The following CABIN1 variants were observed in gnomAD, a reference collection of about 807,000 sequenced individuals.
The protein encoded by CABIN1 is calcineurin binding protein 1.
CABIN1 carries 133 observed loss-of-function variants against 227.7 expected under a neutral mutation model. The ratio of observed to expected loss-of-function variants is 0.58; its 90% CI spans 0.51 to 0.67. CABIN1 has a LOEUF of 0.67. CABIN1 is among the 30% of genes least tolerant of loss of function. The pLI is 0.00. For synonymous variants in CABIN1, 1,086 were observed against 1,155.1 expected, an observed-to-expected ratio of 0.94 and a Z score of 1.21; for missense variants, 2,408 against 2,852.5, an observed-to-expected ratio of 0.84 and a Z score of 3.55.
At chr22:24,084,975 C>T (rs767814451) in intron 21 of CABIN1, 31 bp from the exon 22 acceptor site, 49 of 1,613,992 alleles carry the variant, frequency 3.0e-5, no homozygotes, top group East Asian at 4.5e-5. Flanking sequence ...TTGACTCCAC[C>T]TCCCCTCATA....
chr22:24,167,289 G>A lies in CABIN1; in HGVS notation c.5658G>A (p.Ser1886=), dbSNP rs375076677. 1.4e-5 allele frequency: 22 copies of A among 1,612,838 alleles called. No individual in the cohort carries two copies. Among genetic ancestry groups the A allele is most frequent in the Middle Eastern group, 1.6e-4 (1 of 6,082 alleles). Residue 1886 remains serine, a synonymous_variant, in exon 32 of 37, where the codon TCG becomes TCA. Transcript: ENST00000263119. ...YDLGRVERIM[S]ETYMLIKQVD... ...TGGGCCGTGTGGAGAGGATCATGTC[G>A]GAGACCTACATGCTCATCAAGCAGG... is the stretch of plus-strand genomic sequence containing the variant.
chr22:24,159,736 G>A (rs1196829624), intron 29 of CABIN1, among the ~76,000 whole-genome samples: 1 of 152,198 alleles, frequency 6.6e-6, no homozygotes, highest in Non-Finnish European at 1.5e-5. Context: ...GCTGGAAAAG[G>A]CCAGCAGAGA....
intron 34 of CABIN1, among the ~76,000 whole-genome samples, chr22:24,173,744 G>T (rs1403076771): frequency 1.3e-5 from 2 of 152,172 alleles, no homozygotes; most frequent in Admixed American, 6.5e-5. Context: ...TGAAGCAGGA[G>T]AATCGCTTGA....
intron 26 of CABIN1, among the ~76,000 whole-genome samples, chr22:24,100,850 C>A (rs761444888): frequency 3.3e-5 from 5 of 152,214 alleles, no homozygotes; most frequent in African/African-American, 4.8e-5. Context: ...GTAATGTCTT[C>A]GTTATGGGTA....
intron 29 of CABIN1, among the ~76,000 whole-genome samples, chr22:24,145,842 C>T (rs530170374): frequency 4.6e-5 from 7 of 152,330 alleles, no homozygotes; most frequent in African/African-American, 9.6e-5. Flanking sequence ...GCTCCTAATG[C>T]GCAATGTCAT....
intron 29 of CABIN1, among the ~76,000 whole-genome samples, chr22:24,160,863 A>C (rs1389245698): frequency 1.3e-5 from 2 of 152,250 alleles, no homozygotes; most frequent in Non-Finnish European, 2.9e-5. Context: ...ACAGGGCAAG[A>C]GCACAGGCTG....
intron 18 of CABIN1, 111 bp downstream of exon 18, chr22:24,072,621 C>A: frequency 7.9e-7 from 1 of 1,264,100 alleles, no homozygotes; most frequent in Non-Finnish European, 1.1e-6. Context: ...GGGGCTCAGT[C>A]CTCTCAATCC....
At chr22:24,122,822 C>G (rs1036940622) in intron 28 of CABIN1, among the ~76,000 whole-genome samples, 3 of 152,184 alleles carry the variant, frequency 2.0e-5, no homozygotes, top group African/African-American at 7.2e-5. Context: ...GATGCCCTAC[C>G]TGTATTTCTT....
At chr22:24,122,724 A>C (rs988390167) in intron 28 of CABIN1, among the ~76,000 whole-genome samples, 14 of 151,300 alleles carry the variant, frequency 9.3e-5, no homozygotes, top group Non-Finnish European at 1.5e-4. Context: ...AACAAAAACA[A>C]AAAACCAAAA....
intron 4 of CABIN1, among the ~76,000 whole-genome samples, chr22:24,040,079 C>T (rs1174042257): frequency 6.6e-6 from 1 of 152,192 alleles, no homozygotes; most frequent in Non-Finnish European, 1.5e-5. Flanking sequence ...ATGTGTATTG[C>T]TGATTGTTTA....
chr22:24,175,215 C>T (rs2047038752), intron 34 of CABIN1, among the ~76,000 whole-genome samples: 1 of 152,208 alleles, frequency 6.6e-6, no homozygotes, highest in African/African-American at 2.4e-5. Context: ...AAGGCCTCAG[C>T]CAGCCTGGGG....
chr22:24,092,296 C>T (rs898703684), intron 24 of CABIN1, among the ~76,000 whole-genome samples: 1 of 152,188 alleles, frequency 6.6e-6, no homozygotes, highest in Non-Finnish European at 1.5e-5. Context: ...GAGCAGCCTG[C>T]TCTCTTGACC....
rs141610973 is a variant in CABIN1 at position 24,109,414 on chromosome 22, G to A, written c.4118-4152G>A. On this transcript the variant is annotated intron_variant, in intron 26 of 36. Transcript: ENST00000263119. ...ATTTTTTGTACAGACGGGCATCTCC[G>A]TATGTTGCCCAGGCTGGTCTTGAAC... 5.0e-4 allele frequency among the ~76,000 whole-genome samples: 76 copies of A among 150,664 alleles called. No individual in the cohort carries two copies. The East Asian group carries it at 0.013, about 25-fold the overall frequency.
chr22:24,138,025 C>T (rs1483863721), intron 29 of CABIN1, among the ~76,000 whole-genome samples: 1 of 152,144 alleles, frequency 6.6e-6, no homozygotes, highest in African/African-American at 2.4e-5. Context: ...ACATCAGCAC[C>T]CTAATCCCTA....
intron 33 of CABIN1, among the ~76,000 whole-genome samples, 162 bp from the exon 34 acceptor site, chr22:24,171,551 T>G (rs188178981): frequency 8.2e-4 from 125 of 152,282 alleles, no homozygotes; most frequent in African/African-American, 2.9e-3. Context: ...TGATGGACCT[T>G]GTTGGCAGCA....
intron 24 of CABIN1, among the ~76,000 whole-genome samples, chr22:24,094,793 C>T (rs1162536477): frequency 2.8e-5 from 4 of 141,762 alleles, no homozygotes; most frequent in African/African-American, 7.9e-5. Context: ...GTCCGCAGTC[C>T]GGCCTGGGCG....
At chr22:24,056,831 C>T (rs1348397747) in intron 10 of CABIN1, among the ~76,000 whole-genome samples, 1 of 152,110 alleles carries the variant, frequency 6.6e-6, no homozygotes, top group South Asian at 2.1e-4. Context: ...GGGTTTCACT[C>T]ATTCTTAGTG....
chr22:24,177,915 T>A lies in CABIN1; in HGVS notation c.6519+98T>A. Reference sequence around the variant, plus strand: ...GTGGGGGTGGCAGGAGGGCCTGGGGTGTGGGTGAGGATGGCATAGGGGCCT... The same window carrying A: ...GTGGGGGTGGCAGGAGGGCCTGGGGAGTGGGTGAGGATGGCATAGGGGCCT... On this transcript the variant is annotated intron_variant, in intron 36 of 36. Coordinates refer to ENST00000263119, the MANE Select transcript of CABIN1 (RefSeq NM_012295.4). This position sits in a 1 kb window ranked among gnomAD's most constrained non-coding sequence, Gnocchi z 4.4. 1.7e-6 allele frequency: 2 copies of A among 1,194,060 alleles called. No homozygotes were observed. The highest frequency in any genetic ancestry group is 2.5e-5 in the South Asian group (2 of 79,180). The allele number at this position is 1,194,060 out of a possible 1,614,324, so 74.0% of individuals were successfully genotyped here.
At position 24,140,114 on chromosome 22, in the gene CABIN1, T is replaced by G. The variant is rs56022669; in HGVS notation, c.4746+5699T>G. 1.4e-3 allele frequency among the ~76,000 whole-genome samples: 208 copies of G among 152,298 alleles called. 2 individuals carry two copies. Among genetic ancestry groups the G allele is most frequent in the Non-Finnish European group, 1.4e-3 (98 of 68,006 alleles). On this transcript the variant is annotated intron_variant, in intron 29 of 36. Transcript: ENST00000263119. ...GGATTAGAGGCACCCTCGGGGGAAC[T>G]CCTTAGGCTGGGCTGCTGACAGAAC...
Sources: gnomAD v4.1 joint callset for allele counts (sites outside exome capture counted in the v4.1 genomes callset) on GRCh38, gnomAD v4.1.1 for gene constraint, Gnocchi (gnomAD v3.1) non-coding constraint, MANE v1.5 for transcripts, NCBI Gene and HGNC (gene_info 2026-07-23, HGNC 2026-07-21) for gene names.